Variants in PHLDA1 observed in about 807,000 individuals in gnomAD.
The protein encoded by PHLDA1 is pleckstrin homology-like domain family A member 1.
A neutral mutation model predicts 33.8 loss-of-function variants in PHLDA1; 28 were observed. That is an observed-to-expected ratio of 0.83 (90% confidence interval 0.61 to 1.14). The LOEUF is 1.14. Among genes scored for constraint, PHLDA1 ranks in the 50% most tolerant of loss-of-function variants. PHLDA1 has a pLI of 0.00. For missense variants in PHLDA1, 595 were observed against 548.6 expected, an observed-to-expected ratio of 1.08 and a Z score of -0.84; for synonymous variants, 271 against 243.6, an observed-to-expected ratio of 1.11 and a Z score of -1.05.
At chr12:76,026,343 C>T (rs1434140442) in exon 2 of PHLDA1, 3 of 152,184 alleles carry the variant, frequency 2.0e-5, no homozygotes, top group African/African-American at 4.8e-5. Context: ...AATATTAACA[C>T]TGGAGCCAAG....
chr12:76,029,471 A>T (rs1019920274), exon 2 of PHLDA1: 1 of 152,220 alleles, frequency 6.6e-6, no homozygotes, highest in Non-Finnish European at 1.5e-5. Context: ...TGAGTGTTAG[A>T]TTTTCATAAT....
At chr12:76,027,300 A>G (rs1870794242) in exon 2 of PHLDA1, 2 of 152,162 alleles carry the variant, frequency 1.3e-5, no homozygotes, top group South Asian at 4.1e-4. Flanking sequence ...TTGCTCTGGA[A>G]AAATTATTAA....
At chr12:76,030,119 T>G (rs1025536688) in intron 1 of PHLDA1, 27 bp from the exon 2 acceptor site, 6 of 208,480 alleles carry the variant, frequency 2.9e-5, no homozygotes, top group South Asian at 1.3e-4. Flanking sequence ...CCGAGTGAAG[T>G]AGGTGGCTAA....
At chr12:76,028,234 A>T (rs1870818969) in exon 2 of PHLDA1, 1 of 152,190 alleles carries the variant, frequency 6.6e-6, no homozygotes, top group Non-Finnish European at 1.5e-5. Context: ...ATGTTCTCAT[A>T]TATGTATATA....
At chr12:76,027,901 A>G (rs1870810815) in exon 2 of PHLDA1, 1 of 152,080 alleles carries the variant, frequency 6.6e-6, no homozygotes, top group African/African-American at 2.4e-5. Context: ...ACCTAGCCCC[A>G]TATGTAAGCT....
exon 2 of PHLDA1, chr12:76,025,652 C>A (rs947465670): frequency 1.3e-5 from 2 of 152,120 alleles, no homozygotes; most frequent in Non-Finnish European, 1.5e-5. Context: ...TATTATAAAA[C>A]GTTAAGAAGA....
chr12:76,028,764 C>T (rs112215575), exon 2 of PHLDA1: 5 of 152,724 alleles, frequency 3.3e-5, no homozygotes, highest in African/African-American at 1.2e-4. Flanking sequence ...TTTGAACATC[C>T]TTTTGATTTA....
chr12:76,027,467 A>G (rs1410741858), exon 2 of PHLDA1: 2 of 152,212 alleles, frequency 1.3e-5, no homozygotes, highest in Non-Finnish European at 2.9e-5. Context: ...AAGTCAAGAA[A>G]CCATTATTCT....
chr12:76,025,802 A>T lies in PHLDA1; in HGVS notation c.*4317T>A, dbSNP rs191331379. The T allele has an allele frequency of 2.6e-5, 4 of 152,324 alleles. No homozygotes were observed. In the East Asian group the frequency reaches 5.8e-4, roughly 22 times the overall value. 9.4% of individuals were successfully genotyped at this position (152,324 alleles called of 1,614,324 possible). ...GCCATCCAGCTGCAGAGCAGTGGAG[A>T]GTAGGTCTCACCAGTTTTTGTGCAG... On this transcript the variant is annotated 3_prime_UTR_variant, in exon 2 of 2. Transcript: ENST00000266671.
exon 2 of PHLDA1, chr12:76,028,327 A>G (rs1267395465): frequency 6.6e-6 from 1 of 152,234 alleles, no homozygotes; most frequent in Non-Finnish European, 1.5e-5. Context: ...CACAACTGCA[A>G]CCTAAACAAC....
exon 2 of PHLDA1, chr12:76,026,142 C>T (rs1002445002): frequency 6.6e-6 from 1 of 152,130 alleles, no homozygotes; most frequent in African/African-American, 2.4e-5. Flanking sequence ...GATTCAATAT[C>T]AAGATCTATA....
exon 2 of PHLDA1, chr12:76,029,293 C>A (rs993098186): frequency 6.6e-6 from 1 of 152,214 alleles, no homozygotes; most frequent in Admixed American, 6.5e-5. Flanking sequence ...AAGGCCTCTT[C>A]TCCTTATTAA....
rs1259000373 is a variant in PHLDA1, at chr12:76,031,094, A to G, written c.648T>C (p.Ser216=). ...GCTCGAGGCTGGCGACAGCGGGGCCACTGGGTTGGGACGGCTCGGCCGGCC... is the reference window on the plus strand; with the variant it reads ...GCTCGAGGCTGGCGACAGCGGGGCCGCTGGGTTGGGACGGCTCGGCCGGCC... The change falls in exon 1 of 2, where the codon AGT becomes AGC. Residue 216 remains serine, a synonymous_variant. Transcript: ENST00000266671. This position sits in a 1 kb window ranked among gnomAD's most constrained non-coding sequence, Gnocchi z 5.4. The G allele has an allele frequency of 1.2e-6, 2 of 1,610,146 alleles. No individual in the cohort carries two copies. Among genetic ancestry groups the G allele is most frequent in the Non-Finnish European group, 1.7e-6 (2 of 1,179,902 alleles).
rs1401160714 is a variant in PHLDA1 at position 76,031,044 on chromosome 12, T to C, written c.698A>G (p.His233Arg). 3 of 1,611,574 alleles carry C rather than the reference T, an allele frequency of 1.9e-6. No individual in the cohort carries two copies. The highest frequency in any genetic ancestry group is 2.7e-5 in the African/African-American group (2 of 75,024). ...GTCCACGGTCTTCATGTTGGAGAAG[T>C]GCAGTTCCTTGAGCTTGACCGGCGG... The change falls in exon 1 of 2, where the codon CAC becomes CGC. Residue 233 changes from histidine to arginine, a missense_variant. Coordinates refer to ENST00000266671, the Ensembl canonical transcript of PHLDA1. This position sits in a 1 kb window ranked among gnomAD's most constrained non-coding sequence, Gnocchi z 5.4.
At chr12:76,029,316 CA>C (rs540307508) in exon 2 of PHLDA1, 32 of 152,352 alleles carry the variant, frequency 2.1e-4, no homozygotes, top group Admixed American at 1.3e-3. Flanking sequence ...CCTTTACACA[CA>C]GATGATAAAA....
exon 2 of PHLDA1, chr12:76,027,577 T>A (rs1436948390): frequency 1.3e-5 from 2 of 151,722 alleles, no homozygotes; most frequent in African/African-American, 4.8e-5. Context: ...GCCTGACCAC[T>A]ATGGTGAAAC....
At chr12:76,026,470 C>A (rs956445648) in exon 2 of PHLDA1, 11 of 152,122 alleles carry the variant, frequency 7.2e-5, no homozygotes, top group Non-Finnish European at 1.6e-4. Context: ...TAAAGGGCTT[C>A]TTTAAGAGAA....
exon 2 of PHLDA1, chr12:76,028,472 A>T (rs1482876261): frequency 6.6e-6 from 1 of 152,210 alleles, no homozygotes; most frequent in Non-Finnish European, 1.5e-5. Context: ...CTAAAAAGTA[A>T]TTTGACCTTG....
At chr12:76,028,485 A>G (rs1302093873) in exon 2 of PHLDA1, 2 of 152,138 alleles carry the variant, frequency 1.3e-5, no homozygotes, top group African/African-American at 4.8e-5. Flanking sequence ...TGACCTTGGA[A>G]CTCCTTTCTA....
Sources: allele counts gnomAD v4.1 joint callset, GRCh38; gene constraint gnomAD v4.1.1; non-coding constraint Gnocchi (gnomAD v3.1); transcripts MANE v1.5; gene names NCBI Gene and HGNC (gene_info 2026-07-23, HGNC 2026-07-21).